EPB41: variants seen among roughly 807,000 people sequenced by gnomAD.
EPB41 encodes erythrocyte membrane protein band 4.1.
A neutral mutation model predicts 108.0 loss-of-function variants in EPB41; 65 were observed. The ratio of observed to expected loss-of-function variants is 0.60; its 90% CI spans 0.49 to 0.74. The LOEUF is 0.74. Among genes scored for constraint, EPB41 ranks in the 30% least tolerant of loss-of-function variants. The pLI, the probability that EPB41 is intolerant of heterozygous loss-of-function variation, is 0.00. For missense variants in EPB41, 875 were observed against 1,037.0 expected, an observed-to-expected ratio of 0.84 and a Z score of 2.15; for synonymous variants, 336 against 358.9, an observed-to-expected ratio of 0.94 and a Z score of 0.72.
Position 29,116,991 on chromosome 1 carries a change from T to C in EPB41, c.*179T>C, listed in dbSNP as rs536530564. 2.0e-5 allele frequency: 3 copies of C among 152,388 alleles called. No individual in the cohort carries two copies. Among genetic ancestry groups the C allele is most frequent in the South Asian group, 2.1e-4 (1 of 4,832 alleles). 9.4% of individuals were successfully genotyped at this position (152,388 alleles called of 1,614,324 possible). ...TACCAAGAGATTCTTCTAGATCTCA[T>C]TGATCCTTTTGAAGAGCTTTTTCTA... On this transcript the variant is annotated 3_prime_UTR_variant, in exon 21 of 21. Transcript: ENST00000343067.
At chr1:29,096,583 C>T in intron 16 of EPB41, 1 of 985,636 alleles carries the variant, frequency 1.0e-6, no homozygotes, top group Non-Finnish European at 1.2e-6. Flanking sequence ...ACCAGTTCCC[C>T]ACCCTCATTC....
intron 7 of EPB41, among the ~76,000 whole-genome samples, chr1:29,024,344 A>T (rs1203891932): frequency 7.3e-6 from 1 of 136,566 alleles, no homozygotes; most frequent in Non-Finnish European, 1.6e-5. Flanking sequence ...AAAAATAAAT[A>T]AATTAAAGGC....
chr1:28,911,051 G>A (rs773625669), upstream of EPB41: 69 of 985,260 alleles, frequency 7.0e-5, no homozygotes, highest in Non-Finnish European at 7.0e-5. Context: ...TGCAGGGTGA[G>A]CTGGGACTGG....
chr1:29,094,225 C>G (rs769557496), intron 16 of EPB41, among the ~76,000 whole-genome samples: 12 of 151,978 alleles, frequency 7.9e-5, no homozygotes, highest in Non-Finnish European at 1.3e-4. Context: ...ATTTTCATAC[C>G]AGTACACCAT....
At chr1:29,051,088 G>GTTTTTTTT (rs71586885) in intron 11 of EPB41, among the ~76,000 whole-genome samples, 3 of 51,586 alleles carry the variant, frequency 5.8e-5, no homozygotes, top group Non-Finnish European at 6.5e-5. Flanking sequence ...TTCTTTTTCT[G>GTTTTTTTT]TTTTTTTTTT....
chr1:28,909,057 G>C (rs2092064183), intron 1 of EPB41, among the ~76,000 whole-genome samples: 1 of 151,108 alleles, frequency 6.6e-6, no homozygotes, highest in East Asian at 2.0e-4. Flanking sequence ...TACTTTGGAG[G>C]CTGAGGCAGG....
intron 1 of EPB41, among the ~76,000 whole-genome samples, chr1:28,919,577 C>T (rs1385819367): frequency 1.3e-5 from 2 of 152,046 alleles, no homozygotes; most frequent in Non-Finnish European, 2.9e-5. Flanking sequence ...GATTCTTCCG[C>T]CTCAGCCTCC....
At chr1:28,900,045 C>T (rs773004029) in intron 1 of EPB41, among the ~76,000 whole-genome samples, 20 of 152,124 alleles carry the variant, frequency 1.3e-4, no homozygotes, top group Non-Finnish European at 2.6e-4. Context: ...AGCTGACAGA[C>T]ATGGTGGAAT....
chr1:28,894,090 T>C (rs1327383011), intron 1 of EPB41, among the ~76,000 whole-genome samples: 1 of 152,230 alleles, frequency 6.6e-6, no homozygotes, highest in African/African-American at 2.4e-5. Context: ...GAATCCTTTT[T>C]CTGTTGCATA....
At chr1:28,997,116 T>G (rs1233714856) in intron 3 of EPB41, 99 bp from the exon 4 acceptor site, 12 of 872,608 alleles carry the variant, frequency 1.4e-5, no homozygotes, top group Non-Finnish European at 2.3e-5. Flanking sequence ...CAGGCCACTG[T>G]ACTCCAGCCT....
intron 1 of EPB41, among the ~76,000 whole-genome samples, chr1:28,919,381 T>C (rs1384026453): frequency 6.6e-6 from 1 of 152,134 alleles, no homozygotes; most frequent in Non-Finnish European, 1.5e-5. Flanking sequence ...TAAGTAAACA[T>C]GCAATCTGGG....
At position 28,997,307 on chromosome 1, in the gene EPB41, C is replaced by T. The variant is rs781668873; in HGVS notation, c.774C>T (p.Asn258=). 3.4e-5 allele frequency: 54 copies of T among 1,606,936 alleles called. No homozygotes were observed. Among genetic ancestry groups the T allele is most frequent in the African/African-American group, 5.3e-5 (4 of 74,784 alleles). ...ATTTTGGTCTAGCCATTTGGGATAA[C>T]GCAACCTCTAAGGTGAGGAGACTGC... ...EDYFGLAIWD[N]ATSKTWLDSA... is the part of the protein sequence containing the mutation. Residue 258 remains asparagine (N), a synonymous_variant, in exon 4 of 21, where the codon AAC becomes AAT. Coordinates refer to ENST00000343067, the MANE Select transcript of EPB41 (RefSeq NM_001376013.1).
chr1:29,054,720 C>T (rs1310290868), intron 12 of EPB41, among the ~76,000 whole-genome samples: 2 of 152,010 alleles, frequency 1.3e-5, no homozygotes, highest in Non-Finnish European at 2.9e-5. Context: ...TATGGTGACG[C>T]ACATCTGTAG....
intron 20 of EPB41, among the ~76,000 whole-genome samples, chr1:29,116,254 G>C (rs968933016): frequency 8.6e-5 from 13 of 151,162 alleles, no homozygotes; most frequent in African/African-American, 2.9e-4. Flanking sequence ...CGGGTTCAAG[G>C]AATTCTGCCT....
intron 7 of EPB41, among the ~76,000 whole-genome samples, chr1:29,023,208 T>C (rs1288402408): frequency 6.6e-6 from 1 of 151,756 alleles, no homozygotes; most frequent in African/African-American, 2.4e-5. Flanking sequence ...TTGGCCAGGC[T>C]GGTCCTGAAC....
chr1:29,100,672 C>T (rs1665011745), intron 17 of EPB41, among the ~76,000 whole-genome samples: 1 of 145,074 alleles, frequency 6.9e-6, no homozygotes, highest in East Asian at 2.0e-4. Flanking sequence ...TATAATTATA[C>T]ATATTAAATT....
intron 1 of EPB41, among the ~76,000 whole-genome samples, chr1:28,941,226 A>G (rs2094271109): frequency 1.3e-5 from 2 of 151,898 alleles, no homozygotes; most frequent in South Asian, 4.2e-4. Context: ...AACAAAACAA[A>G]CAAAAAAACT....
intron 20 of EPB41, among the ~76,000 whole-genome samples, chr1:29,116,169 TGAGA>T (rs1178051967): frequency 1.3e-5 from 2 of 149,494 alleles, no homozygotes; most frequent in Non-Finnish European, 3.0e-5. Flanking sequence ...TTTTTTTTTT[TGAGA>T]CGGAGTCTCA....
At chr1:29,112,952 G>A (rs992398215) in intron 19 of EPB41, among the ~76,000 whole-genome samples, 2 of 152,152 alleles carry the variant, frequency 1.3e-5, no homozygotes, top group African/African-American at 4.8e-5. Context: ...GAGAAGACAC[G>A]AGCGGGAGCA....
Sources: allele counts gnomAD v4.1 joint callset (sites outside exome capture counted in the v4.1 genomes callset), GRCh38; gene constraint gnomAD v4.1.1; transcripts MANE v1.5; gene names NCBI Gene and HGNC (gene_info 2026-07-23, HGNC 2026-07-21).